ZMAT4: variants seen among roughly 807,000 people sequenced by gnomAD.
ZMAT4 encodes zinc finger matrin-type 4.
Under a neutral mutation model 28.7 loss-of-function variants are expected in ZMAT4, and 17 were observed. The observed-to-expected ratio is 0.59, with a 90% CI of 0.41 to 0.89. The LOEUF (loss-of-function observed/expected upper bound fraction) is 0.89, where lower values mean the gene tolerates loss of function less well. ZMAT4 is among the 40% of genes least tolerant of loss of function. The probability of loss-of-function intolerance (pLI) is 0.00; values close to 1 mark genes in which losing one functional copy is unlikely to be tolerated. For missense variants in ZMAT4, 240 were observed against 283.8 expected, an observed-to-expected ratio of 0.85 and a Z score of 1.11; for synonymous variants, 117 against 109.2, an observed-to-expected ratio of 1.07 and a Z score of -0.44.
chr8:40,594,870 G>A (rs914572225), intron 5 of ZMAT4, among the ~76,000 whole-genome samples: 2 of 152,022 alleles, frequency 1.3e-5, no homozygotes, highest in South Asian at 2.1e-4. Flanking sequence ...TATTTTCTTG[G>A]CATATATTTG....
At chr8:40,583,531 C>T (rs903300140) in intron 5 of ZMAT4, among the ~76,000 whole-genome samples, 3 of 152,154 alleles carry the variant, frequency 2.0e-5, no homozygotes, top group African/African-American at 7.2e-5. Context: ...TAAGTAATGA[C>T]AAGTCTGTGA....
rs575867203 is a variant in ZMAT4, at chr8:40,597,565, T to C, written c.578-16304A>G. Among the ~76,000 whole-genome samples, 15 of 152,362 alleles carry C rather than the reference T, an allele frequency of 9.8e-5. No individual in the cohort carries two copies. The South Asian group carries it at 2.3e-3, about 23-fold the overall frequency. The stretch of plus-strand genomic sequence containing the variant: ...AACCTCAACCCCAGGCCCTGTTTTA[T>C]CTTATCCTTCTCCACAGCATTTAGC... On this transcript the variant is annotated intron_variant, in intron 5 of 6. Coordinates refer to ENST00000297737, the MANE Select transcript of ZMAT4 (RefSeq NM_024645.3).
intron 5 of ZMAT4, among the ~76,000 whole-genome samples, chr8:40,585,293 C>A (rs1407082903): frequency 1.3e-5 from 2 of 152,140 alleles, no homozygotes; most frequent in Admixed American, 1.3e-4. Context: ...CAGGTACAAA[C>A]TGCCAGTTCA....
At chr8:40,552,908 A>G (rs1803409903) in intron 6 of ZMAT4, among the ~76,000 whole-genome samples, 1 of 152,160 alleles carries the variant, frequency 6.6e-6, no homozygotes, top group South Asian at 2.1e-4. Context: ...AATAGAAAAA[A>G]ATGTAGTAGC....
At chr8:40,759,367 G>C (rs975948277) in intron 3 of ZMAT4, among the ~76,000 whole-genome samples, 20 of 151,742 alleles carry the variant, frequency 1.3e-4, no homozygotes, top group African/African-American at 4.4e-4. Context: ...TCCCCAGTGC[G>C]ATCATATGTA....
intron 1 of ZMAT4, among the ~76,000 whole-genome samples, chr8:40,893,768 C>A (rs889579254): frequency 3.9e-5 from 6 of 152,126 alleles, no homozygotes; most frequent in African/African-American, 1.2e-4. Context: ...ATTTCATCAC[C>A]CAGGTAGTAA....
Position 40,657,394 on chromosome 8 carries a change from T to A in ZMAT4, c.577+17310A>T, listed in dbSNP as rs976022866. 2.6e-5 allele frequency among the ~76,000 whole-genome samples: 4 copies of A among 152,330 alleles called. No homozygotes were observed. The East Asian group carries it at 7.7e-4, about 29-fold the overall frequency. ...AACAAATTCTTTAGTTTTTGTTGAT[T>A]TAAAAATGTCATTATTACACCTTTA... On this transcript the variant is annotated intron_variant, in intron 5 of 6. Transcript: ENST00000297737.
chr8:40,807,081 T>C (rs980170319), intron 2 of ZMAT4, among the ~76,000 whole-genome samples: 2 of 144,340 alleles, frequency 1.4e-5, no homozygotes, highest in East Asian at 4.1e-4. Context: ...CCAGAGTGAA[T>C]ATGCCCAGAG....
chr8:40,830,627 G>A (rs567848465), intron 1 of ZMAT4, among the ~76,000 whole-genome samples: 1 of 152,298 alleles, frequency 6.6e-6, no homozygotes, highest in African/African-American at 2.4e-5. Flanking sequence ...TGTAAATAGT[G>A]CTGCAATGAA....
At chr8:40,676,745 G>T (rs1808926378) in intron 4 of ZMAT4, among the ~76,000 whole-genome samples, 4 of 152,162 alleles carry the variant, frequency 2.6e-5, no homozygotes, top group Non-Finnish European at 5.9e-5. Flanking sequence ...TAAACTTAAT[G>T]GTGTTATTTT....
At chr8:40,789,314 T>A (rs995103217) in intron 2 of ZMAT4, among the ~76,000 whole-genome samples, 4 of 152,172 alleles carry the variant, frequency 2.6e-5, no homozygotes, top group African/African-American at 2.4e-5. Flanking sequence ...GAATGTTTTT[T>A]CCAAGATGAA....
intron 3 of ZMAT4, among the ~76,000 whole-genome samples, chr8:40,722,582 G>T (rs1363743162): frequency 1.3e-5 from 2 of 152,098 alleles, no homozygotes; most frequent in Non-Finnish European, 2.9e-5. Context: ...ATATGATAAA[G>T]TCACATTCAC....
chr8:40,845,096 C>A (rs542090741), intron 1 of ZMAT4, among the ~76,000 whole-genome samples: 1 of 152,144 alleles, frequency 6.6e-6, no homozygotes, highest in Non-Finnish European at 1.5e-5. Flanking sequence ...AGGTGCCGAG[C>A]GAGTCTCTGG....
At chr8:40,845,180 C>T (rs564078421) in intron 1 of ZMAT4, among the ~76,000 whole-genome samples, 12 of 152,306 alleles carry the variant, frequency 7.9e-5, no homozygotes, top group African/African-American at 2.9e-4. Context: ...CTCAGTTCCT[C>T]CACTTTCATG....
At chr8:40,728,806 T>A (rs1811412435) in intron 3 of ZMAT4, among the ~76,000 whole-genome samples, 1 of 152,202 alleles carries the variant, frequency 6.6e-6, no homozygotes, top group South Asian at 2.1e-4. Context: ...CAACCATTTT[T>A]TTTTCTACCT....
At chr8:40,653,312 C>G (rs1251204893) in intron 5 of ZMAT4, among the ~76,000 whole-genome samples, 2 of 151,776 alleles carry the variant, frequency 1.3e-5, no homozygotes, top group Admixed American at 6.6e-5. Flanking sequence ...AGAAAGATCT[C>G]AATTCAATAA....
intron 5 of ZMAT4, among the ~76,000 whole-genome samples, chr8:40,653,418 G>C (rs942388241): frequency 6.6e-6 from 1 of 151,788 alleles, no homozygotes; most frequent in Non-Finnish European, 1.5e-5. Flanking sequence ...TAGAATAGAA[G>C]AAGATGAAAT....
chr8:40,770,550 T>C (rs112337223), intron 2 of ZMAT4, among the ~76,000 whole-genome samples: 1,467 of 10,634 alleles, frequency 0.14, 17 homozygotes, highest in African/African-American at 0.2. Context: ...TTCTCTCTCA[T>C]TTTTTTTTTT....
At chr8:40,887,550 T>C (rs1237329046) in intron 1 of ZMAT4, among the ~76,000 whole-genome samples, 3 of 151,450 alleles carry the variant, frequency 2.0e-5, no homozygotes, top group Admixed American at 2.0e-4. Context: ...ATAGGAAATT[T>C]GGAAAATACA....
Sources: gnomAD v4.1 joint callset for allele counts (sites outside exome capture counted in the v4.1 genomes callset) on GRCh38, gnomAD v4.1.1 for gene constraint, MANE v1.5 for transcripts, NCBI Gene and HGNC (gene_info 2026-07-23, HGNC 2026-07-21) for gene names.